The following CDKL5 variants were observed in gnomAD, a reference collection of about 807,000 sequenced individuals.
CDKL5 encodes the protein cyclin dependent kinase like 5.
In CDKL5, 8 loss-of-function variants were observed where a neutral mutation model predicts 61.7. The observed-to-expected ratio is 0.13, with a 90% CI of 0.08 to 0.23. The LOEUF (loss-of-function observed/expected upper bound fraction) is 0.23. Among genes scored for constraint, CDKL5 ranks in the 10% least tolerant of loss-of-function variants. CDKL5 has a pLI of 1.00. For missense variants in CDKL5, 440 were observed against 734.5 expected (o/e 0.60, Z 4.63); for synonymous variants, 275 against 272.3 (o/e 1.01, Z -0.10).
At chrX:18,519,597 C>T (rs1923172323) in intron 3 of CDKL5, among the ~76,000 whole-genome samples, 1 of 111,651 alleles carries the variant, frequency 9.0e-6, no homozygotes, top group Admixed American at 9.6e-5. Context: ...TCAACTGTCA[C>T]AGCAGAGATG....
intron 3 of CDKL5, among the ~76,000 whole-genome samples, chrX:18,550,720 T>TA (rs1187478393): frequency 8.9e-6 from 1 of 112,763 alleles, no homozygotes; most frequent in Non-Finnish European, 1.9e-5. Flanking sequence ...TGGTCTCAGT[T>TA]ACTTGATCAC....
intron 3 of CDKL5, among the ~76,000 whole-genome samples, chrX:18,515,640 T>C (rs1424642264): frequency 9.0e-6 from 1 of 110,858 alleles, no homozygotes; most frequent in Non-Finnish European, 1.9e-5. Context: ...ATAAAAGATA[T>C]ATGAGTTTGG....
intron 1 of CDKL5, among the ~76,000 whole-genome samples, chrX:18,454,890 A>ATT (rs759341960): frequency 0.017 from 1,380 of 80,238 alleles, 75 homozygotes; most frequent in East Asian, 0.15. Context: ...TCTCAAGTGT[A>ATT]TTTTTTTTTT....
intron 19 of CDKL5, chrX:18,645,864 A>T: frequency 1.2e-6 from 1 of 854,023 alleles, no homozygotes; most frequent in Non-Finnish European, 1.7e-6. Context: ...GGCATTTCCT[A>T]GTCTCCCTTG....
intron 1 of CDKL5, among the ~76,000 whole-genome samples, chrX:18,503,754 G>T (rs1252174282): frequency 8.1e-5 from 9 of 111,582 alleles, no homozygotes; most frequent in African/African-American, 2.9e-4. Context: ...TTTTGTTTTT[G>T]TTTTTGAGAC....
At chrX:18,453,915 A>T (rs1429619052) in intron 1 of CDKL5, among the ~76,000 whole-genome samples, 1 of 112,175 alleles carries the variant, frequency 8.9e-6, no homozygotes, top group Middle Eastern at 4.2e-3. Flanking sequence ...ATCAAGATTG[A>T]AAGAGGAAAG....
chrX:18,496,883 A>G (rs1403162430), intron 1 of CDKL5, among the ~76,000 whole-genome samples: 2 of 110,938 alleles, frequency 1.8e-5, no homozygotes, highest in African/African-American at 6.6e-5. Context: ...GAGGGAGTAT[A>G]ACGAGGTATG....
chrX:18,481,658 G>A (rs942930859), intron 1 of CDKL5, among the ~76,000 whole-genome samples: 2 of 108,602 alleles, frequency 1.8e-5, no homozygotes, highest in Non-Finnish European at 3.8e-5. Context: ...CACTGTGCCC[G>A]ACTCCTGGTT....
intron 3 of CDKL5, among the ~76,000 whole-genome samples, chrX:18,534,807 G>A (rs1923764000): frequency 9.0e-6 from 1 of 111,685 alleles, no homozygotes; most frequent in Admixed American, 9.5e-5. Context: ...CCTATTATAG[G>A]TATATGTACA....
intron 3 of CDKL5, among the ~76,000 whole-genome samples, chrX:18,519,202 A>G (rs1325783724): frequency 8.9e-6 from 1 of 112,165 alleles, no homozygotes; most frequent in East Asian, 2.8e-4. Context: ...TTTTATAAAT[A>G]AAGTTTTGTT....
chrX:18,628,991 T>C lies in CDKL5; in HGVS notation c.*234T>C. The C allele has an allele frequency of 2.0e-6, 2 of 993,558 alleles. No individual in the cohort carries two copies. Among genetic ancestry groups the C allele is most frequent in the Non-Finnish European group, 2.5e-6 (2 of 789,590 alleles). 81.9% of individuals were successfully genotyped at this position (993,558 alleles called of 1,213,427 possible). A position where few individuals can be genotyped will look rare whatever the true frequency, so the allele number is the denominator to read the frequency against. ...TAGGGATCGCCACTCCCCACAGGTC[T>C]TGTGTGAGAATAGATAGAGTGTGCC... is the stretch of plus-strand genomic sequence containing the variant. On this transcript the variant is annotated 3_prime_UTR_variant, in exon 18 of 18. Coordinates refer to ENST00000623535, the MANE Select transcript of CDKL5 (RefSeq NM_001323289.2).
chrX:18,430,691 C>T (rs1427649491), intron 1 of CDKL5, among the ~76,000 whole-genome samples: 2 of 109,532 alleles, frequency 1.8e-5, no homozygotes, highest in African/African-American at 3.3e-5. Flanking sequence ...ACAGTCCCCC[C>T]GCTTCAGCCT....
chrX:18,595,224 A>G, intron 9 of CDKL5, 124 bp from the exon 10 acceptor site: 3 of 536,955 alleles, frequency 5.6e-6, no homozygotes, highest in Non-Finnish European at 1.0e-5. Context: ...AAAGTAATAT[A>G]CAAGTATGAA....
chrX:18,504,264 T>G (rs778751474), intron 1 of CDKL5, among the ~76,000 whole-genome samples: 1 of 110,008 alleles, frequency 9.1e-6, no homozygotes, highest in Non-Finnish European at 1.9e-5. Context: ...TTTTTTTTGT[T>G]TTTGTTTGTT....
At chrX:18,478,437 T>C (rs1473900225) in intron 1 of CDKL5, among the ~76,000 whole-genome samples, 3 of 107,182 alleles carry the variant, frequency 2.8e-5, no homozygotes, top group African/African-American at 1.0e-4. Flanking sequence ...ATAACAGGCA[T>C]GCACCACCAC....
intron 1 of CDKL5, among the ~76,000 whole-genome samples, chrX:18,453,219 T>C (rs1932064080): frequency 8.9e-6 from 1 of 111,804 alleles, no homozygotes; most frequent in African/African-American, 3.2e-5. Flanking sequence ...GTTCATATAC[T>C]ATCTCCTGTA....
rs60516677 is a variant in CDKL5, at chrX:18,509,197, GCACACACACACACACA to G, written c.65-1589_65-1574del. 8.6e-3 allele frequency among the ~76,000 whole-genome samples: 556 copies of G among 64,294 alleles called. 4 individuals carry two copies. The highest frequency in any genetic ancestry group is 9.8e-3 in the Non-Finnish European group (351 of 35,671). The allele number at this position is 64,294 out of a possible 115,157, so 55.8% of individuals were successfully genotyped here. On this transcript the variant is annotated intron_variant, in intron 2 of 17. Transcript: ENST00000623535. ...AGAGAGCGAGACTGTCTCAAAACAC[GCACACACACACACACA>G]CACACACACACACACACACACACAC...
intron 3 of CDKL5, among the ~76,000 whole-genome samples, chrX:18,516,805 C>T (rs1420853656): frequency 2.7e-5 from 3 of 111,998 alleles, no homozygotes; most frequent in Non-Finnish European, 5.6e-5. Flanking sequence ...GGCGCTATCT[C>T]GGCTCACTGC....
intron 20 of CDKL5, among the ~76,000 whole-genome samples, chrX:18,649,465 G>A (rs899577923): frequency 1.9e-4 from 21 of 111,666 alleles, no homozygotes; most frequent in South Asian, 3.8e-4. Flanking sequence ...TTGCAGAGAC[G>A]GCCATGCCCT....
Sources: gnomAD v4.1 joint callset for allele counts (sites outside exome capture counted in the v4.1 genomes callset) on GRCh38, gnomAD v4.1.1 for gene constraint, MANE v1.5 for transcripts, NCBI Gene and HGNC (gene_info 2026-07-23, HGNC 2026-07-21) for gene names.